The following CASP10 variants were observed in gnomAD, a reference collection of about 807,000 sequenced individuals.
CASP10 encodes caspase 10.
Under a neutral mutation model 48.5 loss-of-function variants are expected in CASP10, and 41 were observed. That is an observed-to-expected ratio of 0.85 (90% CI 0.66 to 1.10). The LOEUF (loss-of-function observed/expected upper bound fraction) is 1.10. CASP10 is among the 50% of genes least tolerant of loss of function. The pLI is 0.00. For missense variants in CASP10, 614 were observed against 614.5 expected (o/e 1.00, Z 0.01); for synonymous variants, 232 against 238.4 (o/e 0.97, Z 0.25).
At chr2:201,224,938 T>C (rs969829897), downstream of CASP10, among the ~76,000 whole-genome samples, 6 of 152,232 alleles carry the variant, frequency 3.9e-5, no homozygotes, top group Non-Finnish European at 8.8e-5. Flanking sequence ...TTATTCACTC[T>C]GTGTTTGTCA....
intron 5 of CASP10, chr2:201,200,614 A>C (rs907763304): frequency 2.0e-5 from 30 of 1,481,314 alleles, no homozygotes; most frequent in Non-Finnish European, 2.6e-5. Flanking sequence ...CCTGAACCTC[A>C]TTCGGCAGGT....
rs563345546 is a variant in CASP10, at chr2:201,186,184, T to C, written c.347+60T>C. ...TCCCATCTAGTGTTCATTCTGGCCATTGGGCTTTGAAAGGAAGCTGCAGTT... is the reference window on the plus strand; with the variant it reads ...TCCCATCTAGTGTTCATTCTGGCCACTGGGCTTTGAAAGGAAGCTGCAGTT... On this transcript the variant is annotated intron_variant, in intron 2 of 9. Coordinates refer to ENST00000286186, the MANE Select transcript of CASP10 (RefSeq NM_032977.4). 1,813 of 1,279,708 alleles carry C rather than the reference T, an allele frequency of 1.4e-3. 33 individuals are homozygous for C. The South Asian group carries it at 0.02, about 14-fold the overall frequency. The allele number at this position is 1,279,708 out of a possible 1,614,324, so 79.3% of individuals were successfully genotyped here.
intron 5 of CASP10, among the ~76,000 whole-genome samples, chr2:201,203,473 A>AT (rs1267017728): frequency 1.3e-5 from 2 of 151,870 alleles, no homozygotes; most frequent in Non-Finnish European, 2.9e-5. Flanking sequence ...CACCCGGCTA[A>AT]TTTTTTTATT....
At chr2:201,193,273 T>C in intron 4 of CASP10, 154 bp downstream of exon 4, 1 of 710,730 alleles carries the variant, frequency 1.4e-6, no homozygotes, top group Admixed American at 2.3e-5. Flanking sequence ...AGTGGTGTGA[T>C]CTTGGCTCAC....
chr2:201,204,171 G>T (rs1451909817), intron 6 of CASP10, among the ~76,000 whole-genome samples: 1 of 152,196 alleles, frequency 6.6e-6, no homozygotes, highest in Non-Finnish European at 1.5e-5. Context: ...GCTTCAGAGG[G>T]AGAGAAGAAG....
Position 201,209,458 on chromosome 2 carries a change from A to G in CASP10, c.1311A>G (p.Leu437=), listed in dbSNP as rs750178511. The change falls in exon 9 of 10, where the codon CTA becomes CTG. Residue 437 remains leucine (L), a synonymous_variant. Coordinates refer to ENST00000286186, the MANE Select transcript of CASP10 (RefSeq NM_032977.4). The part of the protein sequence containing the change: ...QDSIPAEADF[L]LGLATVPGYV... ...GTATTCCTGCCGAGGCTGACTTCCTACTTGGTCTGGCCACTGTCCCAGGCT... is the reference window on the plus strand; with the variant it reads ...GTATTCCTGCCGAGGCTGACTTCCTGCTTGGTCTGGCCACTGTCCCAGGCT... 2.5e-6 allele frequency: 4 copies of G among 1,613,898 alleles called. No homozygotes were observed. The African/African-American group carries it at 4.0e-5, about 16-fold the overall frequency.
chr2:201,190,619 T>C (rs1303559949), intron 3 of CASP10, among the ~76,000 whole-genome samples: 1 of 152,152 alleles, frequency 6.6e-6, no homozygotes, highest in Non-Finnish European at 1.5e-5. Flanking sequence ...TCTAGGTTTA[T>C]ACATAAAATG....
At position 201,209,312 on chromosome 2, in the gene CASP10, C is replaced by T. The variant is rs1383695655; in HGVS notation, c.1165C>T (p.Leu389=). The T allele has an allele frequency of 4.3e-6, 7 of 1,614,066 alleles. No homozygotes were observed. The highest frequency in any genetic ancestry group is 5.9e-6 in the Non-Finnish European group (7 of 1,180,056). The part of the protein sequence containing the change: ...SHFTALQCPR[L]AEKPKLFFIQ... ...CTTCACAGCCCTGCAGTGCCCTAGA[C>T]TGGCTGAAAAACCTAAACTCTTTTT... Residue 389 remains leucine, a synonymous_variant, in exon 9 of 10, where the codon CTG becomes TTG. Transcript: ENST00000286186.
At chr2:201,208,008 G>A (rs1014827684) in intron 7 of CASP10, 67 bp from the exon 8 acceptor site, 6 of 1,080,520 alleles carry the variant, frequency 5.6e-6, no homozygotes, top group African/African-American at 3.1e-5. Context: ...CATTGGAGTG[G>A]TTGGTTAGAA....
intron 5 of CASP10, chr2:201,200,776 A>C: frequency 1.7e-6 from 2 of 1,154,316 alleles, no homozygotes; most frequent in Non-Finnish European, 1.1e-6. Context: ...ATCTCCCCCA[A>C]TGGGAAATAA....
intron 7 of CASP10, among the ~76,000 whole-genome samples, chr2:201,206,571 TTA>T (rs1005525290): frequency 6.8e-6 from 1 of 147,594 alleles, no homozygotes; most frequent in African/African-American, 2.5e-5. Context: ...TAAGTATACT[TTA>T]TATATATATA....
chr2:201,227,287 G>A (rs1247939266), intron 9 of CASP10, among the ~76,000 whole-genome samples: 5 of 152,134 alleles, frequency 3.3e-5, no homozygotes, highest in Non-Finnish European at 7.4e-5. Flanking sequence ...GGTTTGCAGG[G>A]AAGCTTTGCC....
At chr2:201,227,176 G>A (rs1945799146) in intron 9 of CASP10, among the ~76,000 whole-genome samples, 1 of 152,064 alleles carries the variant, frequency 6.6e-6, no homozygotes, top group African/African-American at 2.4e-5. Flanking sequence ...TAGATGTGGG[G>A]ATATTCTCTT....
Position 201,184,607 on chromosome 2 carries a change from A to G in CASP10, c.-7-1164A>G, listed in dbSNP as rs542607197. Among the ~76,000 whole-genome samples the G allele has an allele frequency of 2.3e-3, 358 of 152,376 alleles. 2 individuals carry two copies. Among genetic ancestry groups the G allele is most frequent in the African/African-American group, 7.9e-3 (330 of 41,592 alleles). ...CCAAAGTGCTGGGATTATAGGCGTA[A>G]GCCATGACACCCCACCTGTTCCTTC... On this transcript the variant is annotated intron_variant, in intron 1 of 9. Transcript: ENST00000286186.
chr2:201,190,837 C>A (rs1944585048), intron 3 of CASP10, among the ~76,000 whole-genome samples: 1 of 151,712 alleles, frequency 6.6e-6, no homozygotes, highest in African/African-American at 2.4e-5. Context: ...TTGAAGGCAT[C>A]TGTGGCTACA....
intron 9 of CASP10, among the ~76,000 whole-genome samples, chr2:201,227,000 T>G (rs1336053655): frequency 6.6e-6 from 1 of 152,184 alleles, no homozygotes; most frequent in Non-Finnish European, 1.5e-5. Context: ...TAAATTAATA[T>G]GTATATTGTA....
intron 9 of CASP10, among the ~76,000 whole-genome samples, chr2:201,210,151 C>T (rs1242597570): frequency 2.0e-5 from 3 of 152,234 alleles, no homozygotes; most frequent in Admixed American, 1.3e-4. Flanking sequence ...ACTCTTACGT[C>T]CTGAGCACCT....
intron 5 of CASP10, chr2:201,200,650 T>A: frequency 7.0e-7 from 1 of 1,423,112 alleles, no homozygotes; most frequent in South Asian, 1.6e-5. Context: ...TTTGAGGGAA[T>A]CTCAGCTTTG....
intron 9 of CASP10, chr2:201,214,849 T>G (rs1945517563): frequency 6.6e-6 from 1 of 152,094 alleles, no homozygotes; most frequent in South Asian, 2.1e-4. Flanking sequence ...ATATTATTCC[T>G]TCTAGGCATA....
Sources: gnomAD v4.1 joint callset for allele counts (sites outside exome capture counted in the v4.1 genomes callset) on GRCh38, gnomAD v4.1.1 for gene constraint, MANE v1.5 for transcripts, NCBI Gene and HGNC (gene_info 2026-07-23, HGNC 2026-07-21) for gene names.